The following LRRC9 variants were observed in gnomAD, a reference collection of about 807,000 sequenced individuals.
LRRC9 encodes leucine-rich repeat-containing protein 9.
A neutral mutation model predicts 63.2 loss-of-function variants in LRRC9; 122 were observed. The ratio of observed to expected loss-of-function variants is 1.93; its 90% confidence interval spans 1.67 to 2.24. The LOEUF (loss-of-function observed/expected upper bound fraction) is 2.24, where lower values mean the gene tolerates loss of function less well. LRRC9 is among the 30% of genes most tolerant of loss of function. The pLI, the probability that LRRC9 is intolerant of heterozygous loss-of-function variation, is 0.00. For missense variants in LRRC9, 1,071 were observed against 627.7 expected, an observed-to-expected ratio of 1.71 and a Z score of -7.55; for synonymous variants, 366 against 213.1, an observed-to-expected ratio of 1.72 and a Z score of -6.25.
rs1566779227 is a variant in LRRC9, at chr14:59,928,488, TA to T, written c.267+4del. ...TGGATTGCTGAGTGCTGCATAGAGGTAAGTGTAAACATAAAACCTCACATGG... is the reference window on the plus strand; with the variant it reads ...TGGATTGCTGAGTGCTGCATAGAGGTAGTGTAAACATAAAACCTCACATGG... On this transcript the variant is annotated splice_donor_region_variant and intron_variant, in intron 3 of 31. Transcript: ENST00000445360. The T allele has an allele frequency of 1.5e-6, 1 of 649,642 alleles. No individual in the cohort carries two copies. Among genetic ancestry groups the T allele is most frequent in the Non-Finnish European group, 2.7e-6 (1 of 366,450 alleles). 40.2% of individuals were successfully genotyped at this position (649,642 alleles called of 1,614,324 possible).
At position 60,003,568 on chromosome 14, in the gene LRRC9, TTGAC is replaced by T. The variant is rs1385172390; in HGVS notation, c.2665-49_2665-46del. The stretch of plus-strand genomic sequence containing the variant: ...TTAGCTTTTTAAAATGTTATTAACA[TTGAC>T]TGAATTTATAAGATTTAGAAATAAC... On this transcript the variant is annotated intron_variant, in intron 20 of 31. Coordinates refer to ENST00000445360, the Ensembl canonical transcript of LRRC9. The surrounding 1 kb of genome is among the most constrained non-coding windows in gnomAD (Gnocchi z 4.2). 1 of 520,398 alleles carries T rather than the reference TTGAC, an allele frequency of 1.9e-6. No individual in the cohort carries two copies. The highest frequency in any genetic ancestry group is 3.3e-6 in the Non-Finnish European group (1 of 298,706). 32.2% of individuals were successfully genotyped at this position (520,398 alleles called of 1,614,324 possible).
chr14:59,966,305 A>G lies in LRRC9; in HGVS notation c.1212-284A>G, dbSNP rs373834912. Among the ~76,000 whole-genome samples, 3 of 152,214 alleles carry G rather than the reference A, an allele frequency of 2.0e-5. No individual in the cohort carries two copies. The highest frequency in any genetic ancestry group is 7.2e-5 in the African/African-American group (3 of 41,456). On this transcript the variant is annotated intron_variant, in intron 10 of 31. Coordinates refer to ENST00000445360, the Ensembl canonical transcript of LRRC9. The surrounding 1 kb of genome is among the most constrained non-coding windows in gnomAD (Gnocchi z 4.0). ...AAAAGTCTGTCTGAGAAGACCCAGC[A>G]AGAAAACTATGAAAGAGCAGCCAAT...
Position 59,966,754 on chromosome 14 carries a change from G to A in LRRC9, c.1377G>A (p.Met459Ile). 1.5e-6 allele frequency: 1 copy of A among 654,538 alleles called. No individual in the cohort carries two copies. The highest frequency in any genetic ancestry group is 1.7e-5 in the South Asian group (1 of 60,280). 40.5% of individuals were successfully genotyped at this position (654,538 alleles called of 1,614,324 possible). A position where few individuals can be genotyped will look rare whatever the true frequency, so the allele number is the denominator to read the frequency against. ...AAAAGTTTTTGGAGAATGAAGATAT[G>A]CATGATTCAGAGTAAGAAGCTGAAT... The change falls in exon 11 of 32, where the codon ATG (methionine) becomes ATA (isoleucine). Residue 459 changes from methionine to isoleucine, a missense_variant. Transcript: ENST00000445360. The surrounding 1 kb of genome is among the most constrained non-coding windows in gnomAD (Gnocchi z 4.0).
At chr14:59,944,222 C>G (rs1167301717) in intron 7 of LRRC9, among the ~76,000 whole-genome samples, 1 of 151,670 alleles carries the variant, frequency 6.6e-6, no homozygotes, top group Non-Finnish European at 1.5e-5. Context: ...TTATTTTATT[C>G]CCTGAGTTAA....
rs983346751 is a variant in LRRC9, at chr14:60,053,919, C to T, written c.4131+714C>T. The stretch of plus-strand genomic sequence containing the variant: ...TGCTGTGGTTTGAGAAAAAAAGAGG[C>T]TGGAGGGAGAAGGGAAACCAGCTCA... On this transcript the variant is annotated intron_variant, in intron 30 of 31. Coordinates refer to ENST00000445360, the Ensembl canonical transcript of LRRC9. The surrounding 1 kb of genome is among the most constrained non-coding windows in gnomAD (Gnocchi z 4.8). The T allele has an allele frequency of 1.5e-5, 7 of 455,374 alleles. No homozygotes were observed. The highest frequency in any genetic ancestry group is 1.2e-4 in the African/African-American group (6 of 49,970). The allele number at this position is 455,374 out of a possible 1,614,324, so 28.2% of individuals were successfully genotyped here.
rs1374004787 is a variant in LRRC9, at chr14:60,018,104, T to C, written c.3318-267T>C. The stretch of plus-strand genomic sequence containing the variant: ...AAATGTCTCTTTTATAAGTTTCTTC[T>C]ATAATAGTGCTATGTTTATATGGTA... On this transcript the variant is annotated intron_variant, in intron 24 of 31. Transcript: ENST00000445360. Among the ~76,000 whole-genome samples the C allele has an allele frequency of 2.6e-5, 4 of 152,080 alleles. No individual in the cohort carries two copies. The East Asian group carries it at 7.7e-4, about 29-fold the overall frequency.
At position 59,975,135 on chromosome 14, in the gene LRRC9, A is replaced by C; in HGVS notation, c.1639+427A>C. ...TATGTATATATATATATGTATATAT[A>C]TATACATATATATATGTATATATAT... On this transcript the variant is annotated intron_variant, in intron 13 of 31. Transcript: ENST00000445360. 1.7e-4 allele frequency among the ~76,000 whole-genome samples: 2 copies of C among 11,528 alleles called. 1 individual carries two copies. The highest frequency in any genetic ancestry group is 3.1e-4 in the African/African-American group (2 of 6,386). 7.6% of individuals were successfully genotyped at this position (11,528 alleles called of 152,430 possible). A position where few individuals can be genotyped will look rare whatever the true frequency, so the allele number is the denominator to read the frequency against.
chr14:59,959,727 T>C, intron 8 of LRRC9, 91 bp from the exon 9 acceptor site: 1 of 497,982 alleles, frequency 2.0e-6, no homozygotes, highest in Non-Finnish European at 3.6e-6. Context: ...ATTTGTTTAA[T>C]AGATCCCATT....
intron 26 of LRRC9, 63 bp downstream of exon 26, chr14:60,019,323 C>A: frequency 1.6e-6 from 1 of 618,108 alleles, no homozygotes. Context: ...AGCAGTTAAT[C>A]ACATTAATGA....
At chr14:59,949,354 A>G in intron 8 of LRRC9, among the ~76,000 whole-genome samples, 1 of 151,816 alleles carries the variant, frequency 6.6e-6, no homozygotes, top group Non-Finnish European at 1.5e-5. Flanking sequence ...CGGTGATGAT[A>G]TCCCCTTTAT....
intron 17 of LRRC9, among the ~76,000 whole-genome samples, chr14:59,988,887 C>T (rs1207423940): frequency 2.6e-5 from 4 of 152,032 alleles, no homozygotes; most frequent in African/African-American, 7.2e-5. Context: ...TAGCTATGTC[C>T]TTTATACTTG....
In LRRC9 at chr14:59,938,419, C is replaced by T; in HGVS notation, c.573C>T (p.Cys191=). 2.9e-6 allele frequency: 2 copies of T among 691,874 alleles called. No individual in the cohort carries two copies. The highest frequency in any genetic ancestry group is 5.3e-6 in the Non-Finnish European group (2 of 380,310). The allele number at this position is 691,874 out of a possible 1,614,324, so 42.9% of individuals were successfully genotyped here. Residue 191 remains cysteine (C), a synonymous_variant, in exon 7 of 32, where the codon TGC becomes TGT. Transcript: ENST00000445360. This position sits in a 1 kb window ranked among gnomAD's most constrained non-coding sequence, Gnocchi z 4.2. The stretch of plus-strand genomic sequence containing the variant: ...TCACGAACTTAACCAGGCTGCCTTG[C>T]TTAAAGGATTTATGTCTGAATGACC...
chr14:59,928,479 G>A lies in LRRC9; in HGVS notation c.260G>A (p.Cys87Tyr), dbSNP rs1195340574. Residue 87 changes from cysteine (C) to tyrosine (Y), a missense_variant, in exon 3 of 32, where the codon TGC (cysteine) becomes TAC (tyrosine). Coordinates refer to ENST00000445360, the Ensembl canonical transcript of LRRC9. ...AAAGAACTTTGGATTGCTGAGTGCT[G>A]CATAGAGGTAAGTGTAAACATAAAA... The A allele has an allele frequency of 8.4e-5, 56 of 668,264 alleles. 1 individual carries two copies. The Admixed American group carries it at 1.3e-3, about 15-fold the overall frequency. 41.4% of individuals were successfully genotyped at this position (668,264 alleles called of 1,614,324 possible).
At chr14:59,920,676 T>A (rs1324824229) in intron 1 of LRRC9, among the ~76,000 whole-genome samples, 1 of 152,184 alleles carries the variant, frequency 6.6e-6, no homozygotes, top group Non-Finnish European at 1.5e-5. Context: ...AGGAAATAAT[T>A]TGACCCATAC....
chr14:60,037,826 C>T (rs1040185879), intron 29 of LRRC9, among the ~76,000 whole-genome samples: 2 of 152,134 alleles, frequency 1.3e-5, no homozygotes, highest in African/African-American at 2.4e-5. Context: ...GTGTTTTAGT[C>T]ATGAAGTCCT....
Position 59,935,225 on chromosome 14 carries a change from C to T in LRRC9, c.544-3165C>T, listed in dbSNP as rs144186946. ...AGGAGAATCACTTGAACCTGAGAGG[C>T]GGAGGTTGCAGTGAGCTGAGATTGC... On this transcript the variant is annotated intron_variant, in intron 6 of 31. Transcript: ENST00000445360. 1.9e-4 allele frequency among the ~76,000 whole-genome samples: 28 copies of T among 149,114 alleles called. No individual in the cohort carries two copies. The East Asian group carries it at 5.1e-3, about 27-fold the overall frequency.
rs147413790 is a variant in LRRC9, at chr14:60,041,229, T to G, written c.3990+9166T>G. Among the ~76,000 whole-genome samples, 1,198 of 152,258 alleles carry G rather than the reference T, an allele frequency of 7.9e-3. 12 individuals are homozygous for G. Among genetic ancestry groups the G allele is most frequent in the Middle Eastern group, 0.037 (11 of 294 alleles). ...TTTCAACTTTGGTGAATCTGACAAT[T>G]ATGTGTCTTTGAGTTGCTCTTCTTG... On this transcript the variant is annotated intron_variant, in intron 29 of 31. Coordinates refer to ENST00000445360, the Ensembl canonical transcript of LRRC9.
chr14:60,046,221 T>C (rs1893413339), intron 29 of LRRC9, among the ~76,000 whole-genome samples: 2 of 152,222 alleles, frequency 1.3e-5, no homozygotes, highest in African/African-American at 4.8e-5. Flanking sequence ...TTCTGTAGGT[T>C]GCCTGTGCAC....
intron 15 of LRRC9, among the ~76,000 whole-genome samples, chr14:59,981,021 C>T (rs549899456): frequency 1.3e-5 from 2 of 152,006 alleles, no homozygotes; most frequent in Non-Finnish European, 2.9e-5. Flanking sequence ...CTCTATTAGG[C>T]CCTCTGGAAT....
Sources: gnomAD v4.1 joint callset for allele counts (sites outside exome capture counted in the v4.1 genomes callset) on GRCh38, gnomAD v4.1.1 for gene constraint, Gnocchi (gnomAD v3.1) non-coding constraint, MANE v1.5 for transcripts, NCBI Gene and HGNC (gene_info 2026-07-23, HGNC 2026-07-21) for gene names.